Variants in AMPH observed in about 807,000 individuals in gnomAD.
The protein encoded by AMPH is amphiphysin.
AMPH carries 49 observed loss-of-function variants against 99.1 expected under a neutral mutation model. The observed-to-expected ratio is 0.49, with a 90% confidence interval of 0.39 to 0.63. The LOEUF is 0.63. Ranked by LOEUF, AMPH falls within the 20% of genes least tolerant of loss-of-function variation. The pLI is 0.00. For synonymous variants in AMPH, 314 were observed against 317.3 expected, an observed-to-expected ratio of 0.99 and a Z score of 0.11; for missense variants, 759 against 863.4, an observed-to-expected ratio of 0.88 and a Z score of 1.52.
At chr7:38,441,770 G>GATATATATCATATATCTATC (rs1562757375) in intron 11 of AMPH, among the ~76,000 whole-genome samples, 23 of 85,864 alleles carry the variant, frequency 2.7e-4, no homozygotes, top group South Asian at 8.1e-4. Flanking sequence ...TCATATATAT[G>GATATATATCATATATCTATC]ATATATATCA....
chr7:38,543,871 G>A (rs1018125917), intron 1 of AMPH, among the ~76,000 whole-genome samples: 1 of 152,106 alleles, frequency 6.6e-6, no homozygotes, highest in East Asian at 1.9e-4. Context: ...TCCATCTACA[G>A]AGTCTCAAAG....
intron 1 of AMPH, among the ~76,000 whole-genome samples, chr7:38,547,616 T>C (rs1001212389): frequency 6.6e-6 from 1 of 152,202 alleles, no homozygotes; most frequent in Non-Finnish European, 1.5e-5. Flanking sequence ...AAGTTTATTT[T>C]GCCAAGGTTA....
intron 1 of AMPH, among the ~76,000 whole-genome samples, chr7:38,610,066 AT>A (rs956492106): frequency 2.6e-5 from 4 of 151,042 alleles, no homozygotes; most frequent in Admixed American, 6.6e-5. Flanking sequence ...GAGAAACCCC[AT>A]CTCTACTAAA....
At chr7:38,397,785 T>A (rs1286820929) in intron 17 of AMPH, among the ~76,000 whole-genome samples, 1 of 151,990 alleles carries the variant, frequency 6.6e-6, no homozygotes, top group Non-Finnish European at 1.5e-5. Flanking sequence ...CCAGAATACA[T>A]AAGGATCTCA....
chr7:38,492,709 C>A (rs562466433), intron 4 of AMPH, among the ~76,000 whole-genome samples: 19 of 152,272 alleles, frequency 1.2e-4, no homozygotes, highest in African/African-American at 4.3e-4. Context: ...TTCCAAAAAA[C>A]CGGGCAGCTG....
At chr7:38,412,005 T>C (rs1187951320) in intron 17 of AMPH, among the ~76,000 whole-genome samples, 1 of 152,168 alleles carries the variant, frequency 6.6e-6, no homozygotes, top group Non-Finnish European at 1.5e-5. Flanking sequence ...AATCATGTGT[T>C]GTATGATTCC....
At chr7:38,399,820 C>G (rs760337080) in intron 17 of AMPH, among the ~76,000 whole-genome samples, 1 of 152,204 alleles carries the variant, frequency 6.6e-6, no homozygotes, top group Non-Finnish European at 1.5e-5. Context: ...ATTATCCTAT[C>G]TTCTGCCCAA....
intron 1 of AMPH, among the ~76,000 whole-genome samples, chr7:38,625,929 C>A (rs1230007435): frequency 6.6e-6 from 1 of 152,016 alleles, no homozygotes; most frequent in East Asian, 1.9e-4. Flanking sequence ...GGACTTCAAT[C>A]TTTAAAATGT....
chr7:38,425,471 C>T (rs1456434292), intron 15 of AMPH, among the ~76,000 whole-genome samples: 3 of 152,094 alleles, frequency 2.0e-5, no homozygotes, highest in African/African-American at 7.2e-5. Context: ...AAATTAGACC[C>T]ACAATTTTTT....
At chr7:38,461,748 T>A (rs1037159652) in intron 10 of AMPH, among the ~76,000 whole-genome samples, 8 of 152,238 alleles carry the variant, frequency 5.3e-5, no homozygotes, top group Non-Finnish European at 1.2e-4. Flanking sequence ...CTGAAAATAA[T>A]TTCTCATTTT....
At chr7:38,537,424 C>T (rs1344885990) in intron 1 of AMPH, among the ~76,000 whole-genome samples, 4 of 152,138 alleles carry the variant, frequency 2.6e-5, no homozygotes, top group Admixed American at 6.6e-5. Context: ...TCTAACCCCA[C>T]TGAACTTCAC....
intron 5 of AMPH, among the ~76,000 whole-genome samples, chr7:38,478,406 T>C (rs968839734): frequency 1.3e-5 from 2 of 152,066 alleles, no homozygotes; most frequent in Non-Finnish European, 1.5e-5. Flanking sequence ...GAAGTAACAA[T>C]AGCAAAAATA....
chr7:38,478,303 A>C (rs1214929386), intron 5 of AMPH, among the ~76,000 whole-genome samples: 1 of 152,130 alleles, frequency 6.6e-6, no homozygotes, highest in Non-Finnish European at 1.5e-5. Flanking sequence ...GTCAGGCTTC[A>C]ACCTAAGAAT....
intron 2 of AMPH, among the ~76,000 whole-genome samples, chr7:38,518,929 G>A (rs1407362460): frequency 6.6e-6 from 1 of 152,236 alleles, no homozygotes. Context: ...TTGCAACAGT[G>A]TTGAGAGGCA....
chr7:38,436,246 C>T (rs1289551328), intron 12 of AMPH, 26 bp downstream of exon 12: 2 of 1,551,206 alleles, frequency 1.3e-6, no homozygotes, highest in South Asian at 2.2e-5. Context: ...TGAAATATCT[C>T]CAAACATCCA....
In AMPH at chr7:38,384,858, T is replaced by C. The variant is rs768617715; in HGVS notation, c.2048A>G (p.Lys683Arg). The C allele has an allele frequency of 1.9e-6, 3 of 1,614,064 alleles. No homozygotes were observed. Among genetic ancestry groups the C allele is most frequent in the Non-Finnish European group, 2.5e-6 (3 of 1,179,958 alleles). ...GGTGAAGTTCTCTGGAAAGAGGCCT[T>C]TGTAGGTGGCAAGGTCTCTGTACTG... ...WLQYRDLATYKGLFPENFTRR... is the reference protein window; with the variant it reads ...WLQYRDLATYRGLFPENFTRR... The change falls in exon 21 of 21, where the codon AAA becomes AGA. Residue 683 changes from lysine (K) to arginine (R), a missense_variant. Lys to Arg is a conservative substitution (Grantham distance 26). Coordinates refer to ENST00000356264, the MANE Select transcript of AMPH (RefSeq NM_001635.4).
chr7:38,422,487 A>AAGGAT lies in AMPH; in HGVS notation c.1216-15_1216-11dup, dbSNP rs761999387. 1 of 1,608,998 alleles carries AAGGAT rather than the reference A, an allele frequency of 6.2e-7. No homozygotes were observed. Among genetic ancestry groups the AAGGAT allele is most frequent in the Non-Finnish European group, 8.5e-7 (1 of 1,175,640 alleles). On this transcript the variant is annotated splice_polypyrimidine_tract_variant and intron_variant, in intron 15 of 20. Transcript: ENST00000356264. ...ATGAAGTATCCTGGGGCTGAAAATC[A>AAGGAT]AGGATAAAAATAGAAGATGTTTTTT...
At position 38,505,459 on chromosome 7, in the gene AMPH, G is replaced by C. The variant is rs539190357; in HGVS notation, c.151-1755C>G. ...AAACAGAATGGTTCTATTCAGAATG[G>C]CAAAGCAGAAATCAAAGTGCTAAAC... On this transcript the variant is annotated intron_variant, in intron 2 of 20. Coordinates refer to ENST00000356264, the MANE Select transcript of AMPH (RefSeq NM_001635.4). Among the ~76,000 whole-genome samples, 3 of 152,272 alleles carry C rather than the reference G, an allele frequency of 2.0e-5. No homozygotes were observed. In the South Asian group the frequency reaches 6.2e-4, roughly 32 times the overall value.
At chr7:38,424,281 A>T (rs2128990120) in intron 15 of AMPH, among the ~76,000 whole-genome samples, 1 of 152,338 alleles carries the variant, frequency 6.6e-6, no homozygotes, top group East Asian at 1.9e-4. Flanking sequence ...TTCAGTCAAG[A>T]TCACCAAACA....
Sources: allele counts gnomAD v4.1 joint callset (sites outside exome capture counted in the v4.1 genomes callset), GRCh38; gene constraint gnomAD v4.1.1; transcripts MANE v1.5; gene names NCBI Gene and HGNC (gene_info 2026-07-23, HGNC 2026-07-21).